The following ANKS1B variants were observed in gnomAD, a reference collection of about 807,000 sequenced individuals.
ANKS1B encodes ankyrin repeat and sterile alpha motif domain-containing protein 1B.
Under a neutral mutation model 148.3 loss-of-function variants are expected in ANKS1B, and 36 were observed. That is an observed-to-expected ratio of 0.24 (90% confidence interval 0.19 to 0.32). ANKS1B has a LOEUF of 0.32. Ranked by LOEUF, ANKS1B falls within the 10% of genes least tolerant of loss-of-function variation. ANKS1B has a pLI of 1.00. For synonymous variants in ANKS1B, 542 were observed against 560.8 expected (o/e 0.97, Z 0.47); for missense variants, 1,157 against 1,542.6 (o/e 0.75, Z 4.19).
At position 99,296,058 on chromosome 12, in the gene ANKS1B, A is replaced by G. The variant is rs552608199; in HGVS notation, c.1757-49194T>C. Among the ~76,000 whole-genome samples, 55 of 152,090 alleles carry G rather than the reference A, an allele frequency of 3.6e-4. No homozygotes were observed. The South Asian group carries it at 0.011, about 32-fold the overall frequency. On this transcript the variant is annotated intron_variant, in intron 12 of 26. Transcript: ENST00000683438. The stretch of plus-strand genomic sequence containing the variant: ...AGTGCTTTTATCCTTTTTTTTGAAA[A>G]CCATATCCAATTTTTCCAGAAAATT...
At position 99,984,086 on chromosome 12, in the gene ANKS1B, G is replaced by A; in HGVS notation, c.134+18C>T. On this transcript the variant is annotated intron_variant, in intron 1 of 26. Coordinates refer to ENST00000683438, the MANE Select transcript of ANKS1B (RefSeq NM_001352186.2). The stretch of plus-strand genomic sequence containing the variant: ...CATAATGAGGTGTGCCAACCCCGGA[G>A]CTGGTGCCCGTCCTTACCTTAGCAG... The A allele has an allele frequency of 6.2e-7, 1 of 1,604,778 alleles. No homozygotes were observed. The highest frequency in any genetic ancestry group is 8.5e-7 in the Non-Finnish European group (1 of 1,174,252).
intron 10 of ANKS1B, among the ~76,000 whole-genome samples, chr12:99,464,433 C>T (rs1393645823): frequency 6.6e-6 from 1 of 152,332 alleles, no homozygotes; most frequent in South Asian, 2.1e-4. Context: ...CAGAACAAAG[C>T]TGGACGGAGA....
intron 15 of ANKS1B, among the ~76,000 whole-genome samples, chr12:99,149,305 T>G (rs572163976): frequency 2.0e-5 from 3 of 152,142 alleles, no homozygotes; most frequent in African/African-American, 7.2e-5. Context: ...GAAATACGTA[T>G]GAGCTCTATC....
intron 19 of ANKS1B, among the ~76,000 whole-genome samples, chr12:98,810,916 G>T (rs2099090252): frequency 6.6e-6 from 1 of 152,226 alleles, no homozygotes; most frequent in Non-Finnish European, 1.5e-5. Context: ...AGCTCGGTCT[G>T]CGCTTTGACT....
chr12:99,961,817 A>C (rs1200531707), intron 1 of ANKS1B, among the ~76,000 whole-genome samples: 8 of 152,196 alleles, frequency 5.3e-5, no homozygotes, highest in Non-Finnish European at 8.8e-5. Flanking sequence ...GGTACTCTGC[A>C]TGTTCCCTTG....
chr12:99,794,476 C>CACACACACACACAG (rs2066004256), intron 4 of ANKS1B, among the ~76,000 whole-genome samples: 1 of 151,672 alleles, frequency 6.6e-6, no homozygotes, highest in Non-Finnish European at 1.5e-5. Flanking sequence ...CACACACACA[C>CACACACACACACAG]ACACACACAC....
chr12:99,587,401 G>T (rs1300267070), intron 9 of ANKS1B, among the ~76,000 whole-genome samples: 1 of 152,140 alleles, frequency 6.6e-6, no homozygotes, highest in East Asian at 1.9e-4. Context: ...GAAAGCCTAA[G>T]AAGTTTCTAA....
At chr12:99,292,205 C>G (rs141910031) in intron 12 of ANKS1B, among the ~76,000 whole-genome samples, 19 of 151,944 alleles carry the variant, frequency 1.3e-4, no homozygotes, top group African/African-American at 3.9e-4. Flanking sequence ...AAACTACCAT[C>G]AGATTGGCTG....
intron 12 of ANKS1B, among the ~76,000 whole-genome samples, chr12:99,349,716 T>C (rs1455199167): frequency 6.6e-6 from 1 of 151,928 alleles, no homozygotes. Flanking sequence ...AATAAACAGC[T>C]CTACAGTAAT....
At chr12:99,459,305 C>T (rs576499787) in intron 10 of ANKS1B, among the ~76,000 whole-genome samples, 2 of 152,190 alleles carry the variant, frequency 1.3e-5, no homozygotes, top group Admixed American at 6.5e-5. Flanking sequence ...CGACATTATA[C>T]TGAATGGGGA....
chr12:99,124,502 G>A (rs2153734028), intron 15 of ANKS1B, among the ~76,000 whole-genome samples: 1 of 152,000 alleles, frequency 6.6e-6, no homozygotes. Context: ...CATCTAAGTG[G>A]ATACTTTCAT....
rs567820838 is a variant in ANKS1B, at chr12:99,123,992, G to A, written c.2526+30297C>T. Among the ~76,000 whole-genome samples the A allele has an allele frequency of 5.3e-5, 8 of 152,324 alleles. No homozygotes were observed. The East Asian group carries it at 1.5e-3, about 29-fold the overall frequency. On this transcript the variant is annotated intron_variant, in intron 15 of 26. Transcript: ENST00000683438. ...GCTCAAGGGAAGAACAGAAGGTGAT[G>A]AAATCAGACAGGAAGAGATGATCTG...
chr12:99,443,754 G>A lies in ANKS1B; in HGVS notation c.1494C>T (p.Ser498=), dbSNP rs537154724. The A allele has an allele frequency of 7.2e-5, 116 of 1,612,222 alleles. No homozygotes were observed. The highest frequency in any genetic ancestry group is 9.2e-5 in the Non-Finnish European group (109 of 1,178,820). The change falls in exon 11 of 27, where the codon AGC becomes AGT. Residue 498 remains serine (S), a synonymous_variant. Coordinates refer to ENST00000683438, the MANE Select transcript of ANKS1B (RefSeq NM_001352186.2). The part of the protein sequence containing the change: ...TTPGTSNHRN[S]STGPTPDCSP... ...AACAATCAGGTGTTGGGCCTGTTGA[G>A]CTGTTTCTATGGTTACTAGTTCCTG...
At chr12:99,731,418 G>GTGTA (rs1567735971) in intron 8 of ANKS1B, among the ~76,000 whole-genome samples, 1 of 52,346 alleles carries the variant, frequency 1.9e-5, no homozygotes, top group East Asian at 2.2e-4. Context: ...CGTGCCGTGT[G>GTGTA]TGTGTGTGTG....
chr12:99,933,969 T>C (rs2094691726), intron 1 of ANKS1B, among the ~76,000 whole-genome samples: 1 of 152,156 alleles, frequency 6.6e-6, no homozygotes, highest in Admixed American at 6.6e-5. Flanking sequence ...TTTTATCAAA[T>C]GTTTTTTCAG....
intron 14 of ANKS1B, among the ~76,000 whole-genome samples, chr12:99,211,499 C>G (rs963536655): frequency 6.6e-6 from 1 of 152,226 alleles, no homozygotes; most frequent in Non-Finnish European, 1.5e-5. Context: ...CCCATCTCCT[C>G]TTGCTTAGCT....
intron 17 of ANKS1B, among the ~76,000 whole-genome samples, chr12:98,897,407 A>C (rs373977207): frequency 6.6e-6 from 1 of 152,214 alleles, no homozygotes; most frequent in Non-Finnish European, 1.5e-5. Flanking sequence ...AACCGGGCAA[A>C]GGACATGAGC....
chr12:99,060,080 G>C (rs1003239801), intron 16 of ANKS1B, among the ~76,000 whole-genome samples: 1 of 151,978 alleles, frequency 6.6e-6, no homozygotes. Context: ...ACAGAGGCTC[G>C]CAACAAGGCA....
At chr12:99,741,951 G>A (rs2060155580) in intron 8 of ANKS1B, among the ~76,000 whole-genome samples, 2 of 152,000 alleles carry the variant, frequency 1.3e-5, no homozygotes, top group African/African-American at 4.8e-5. Context: ...GTCCTTTGCA[G>A]GGATATGGAT....
Sources: gnomAD v4.1 joint callset for allele counts (sites outside exome capture counted in the v4.1 genomes callset) on GRCh38, gnomAD v4.1.1 for gene constraint, MANE v1.5 for transcripts, NCBI Gene and HGNC (gene_info 2026-07-23, HGNC 2026-07-21) for gene names.